The following BPIFA2 variants were observed in gnomAD, a reference collection of about 807,000 sequenced individuals.
BPIFA2 encodes the protein BPI fold-containing family A member 2.
In BPIFA2, 20 loss-of-function variants were observed where a neutral mutation model predicts 25.7. The observed-to-expected ratio is 0.78, with a 90% CI of 0.55 to 1.13. The LOEUF is 1.13. BPIFA2 is among the 50% of genes most tolerant of loss of function. BPIFA2 has a pLI of 0.00. For synonymous variants in BPIFA2, 126 were observed against 124.3 expected (o/e 1.01, Z -0.09); for missense variants, 300 against 298.1 (o/e 1.01, Z -0.05).
chr20:33,169,475 A>T (rs998667150), intron 2 of BPIFA2, among the ~76,000 whole-genome samples, 173 bp downstream of exon 2: 1 of 152,262 alleles, frequency 6.6e-6, no homozygotes, highest in African/African-American at 2.4e-5. Flanking sequence ...CAATGCCACA[A>T]TGAATAGCCT....
In BPIFA2 at chr20:33,174,135, G is replaced by A; in HGVS notation, c.359G>A (p.Gly120Asp). 2 of 1,614,198 alleles carry A rather than the reference G, an allele frequency of 1.2e-6. No homozygotes were observed. The highest frequency in any genetic ancestry group is 1.7e-6 in the Non-Finnish European group (2 of 1,180,032). Reference protein sequence around the residue: ...LDVKAEPIDDGKGLNLSFPVT... With the variant: ...LDVKAEPIDDDKGLNLSFPVT... ...GTCAAAGCTGAACCGATCGATGATG[G>A]CAAAGGCCTTAACCTGAGCTTCCCT... The change falls in exon 4 of 9, where the codon GGC (glycine) becomes GAC (aspartate). Residue 120 changes from glycine (G) to aspartate (D), a missense_variant. Coordinates refer to ENST00000354932, the MANE Select transcript of BPIFA2 (RefSeq NM_080574.4).
chr20:33,163,625 C>T (rs946921268), upstream of BPIFA2, among the ~76,000 whole-genome samples: 22 of 152,206 alleles, frequency 1.4e-4, no homozygotes, highest in African/African-American at 5.3e-4. Flanking sequence ...GAGTTTGAGA[C>T]CAGCCTGGCC....
At chr20:33,167,557 G>T (rs1295028460), upstream of BPIFA2, among the ~76,000 whole-genome samples, 1 of 152,194 alleles carries the variant, frequency 6.6e-6, no homozygotes, top group African/African-American at 2.4e-5. Context: ...GCCTTACAGA[G>T]TTTTCATAAA....
At chr20:33,164,537 TCTC>T (rs1983667451), upstream of BPIFA2, among the ~76,000 whole-genome samples, 1 of 151,782 alleles carries the variant, frequency 6.6e-6, no homozygotes, top group Non-Finnish European at 1.5e-5. Context: ...CCTTTCTTCT[TCTC>T]TCTCCACATC....
upstream of BPIFA2, among the ~76,000 whole-genome samples, chr20:33,166,928 G>T (rs890176891): frequency 4.6e-5 from 7 of 152,228 alleles, no homozygotes; most frequent in Non-Finnish European, 1.0e-4. Flanking sequence ...GAAGAGCGGG[G>T]CTCAGACGTT....
upstream of BPIFA2, among the ~76,000 whole-genome samples, chr20:33,165,419 G>A (rs879528133): frequency 1.3e-5 from 2 of 152,196 alleles, no homozygotes; most frequent in Admixed American, 6.5e-5. Flanking sequence ...TCTGGAGAAG[G>A]GGTGGGGGCT....
At chr20:33,174,245 C>A (rs1355111070) in intron 4 of BPIFA2, 59 bp downstream of exon 4, 6 of 1,508,318 alleles carry the variant, frequency 4.0e-6, no homozygotes, top group Non-Finnish European at 4.6e-6. Flanking sequence ...CCGATGGATG[C>A]CCAACCTGGG....
chr20:33,180,167 G>A (rs548875422), intron 7 of BPIFA2, among the ~76,000 whole-genome samples: 17 of 151,728 alleles, frequency 1.1e-4, no homozygotes, highest in African/African-American at 3.9e-4. Context: ...GCAGGTAGCC[G>A]ACATCATGCC....
intron 1 of BPIFA2, 33 bp downstream of exon 1, chr20:33,168,242 C>T (rs74444103): frequency 0.015 from 2,279 of 152,350 alleles, 48 homozygotes; most frequent in African/African-American, 0.052. Context: ...TGGCACCACA[C>T]GTGGTGGTCT....
intron 2 of BPIFA2, 102 bp from the exon 3 acceptor site, chr20:33,172,830 A>T: frequency 7.8e-7 from 1 of 1,282,330 alleles, no homozygotes; most frequent in Non-Finnish European, 1.1e-6. Context: ...TGTTATAAAG[A>T]TTAAATGAAA....
upstream of BPIFA2, among the ~76,000 whole-genome samples, chr20:33,167,542 A>G (rs553873525): frequency 1.3e-5 from 2 of 152,264 alleles, no homozygotes; most frequent in Non-Finnish European, 2.9e-5. Flanking sequence ...GAGCTCTGAA[A>G]ACCTGCCTTA....
chr20:33,180,733 G>T (rs1984250350), intron 8 of BPIFA2, 136 bp downstream of exon 8: 2 of 668,870 alleles, frequency 3.0e-6, no homozygotes, highest in Admixed American at 5.4e-5. Context: ...CCCCATCCCA[G>T]GCTAGGCCCT....
Position 33,173,000 on chromosome 20 carries a change from C to T in BPIFA2, c.226C>T (p.Gln76Ter), listed in dbSNP as rs1296092951. 6.2e-7 allele frequency: 1 copy of T among 1,614,050 alleles called. No individual in the cohort carries two copies. Among genetic ancestry groups the T allele is most frequent in the Non-Finnish European group, 8.5e-7 (1 of 1,179,984 alleles). ...ATCCAGTGCTTGGCAACTGGCCAAG[C>T]AGAAGGCCCAGGAAGCTGAGAAATT... ...QKSSAWQLAKQKAQEAEKLLN... is the reference protein window; with the variant it reads ...QKSSAWQLAK The change falls in exon 3 of 9, where the codon CAG becomes TAG. Residue 76 changes from glutamine to a stop codon, truncating the protein, a stop_gained. Transcript: ENST00000354932. LOFTEE classifies it high-confidence loss of function.
chr20:33,164,352 T>G (rs1044000179), upstream of BPIFA2, among the ~76,000 whole-genome samples: 1 of 152,068 alleles, frequency 6.6e-6, no homozygotes, highest in Non-Finnish European at 1.5e-5. Context: ...GAGAGCTCGC[T>G]CATGTCAAGA....
intron 2 of BPIFA2, among the ~76,000 whole-genome samples, 155 bp from the exon 3 acceptor site, chr20:33,172,777 A>G (rs1268367847): frequency 6.6e-6 from 1 of 152,136 alleles, no homozygotes; most frequent in Non-Finnish European, 1.5e-5. Flanking sequence ...TTATTTCCTT[A>G]GCTATAAAAA....
At chr20:33,166,973 G>A (rs994699146), upstream of BPIFA2, among the ~76,000 whole-genome samples, 2 of 152,212 alleles carry the variant, frequency 1.3e-5, no homozygotes, top group Non-Finnish European at 2.9e-5. Context: ...AGGGAAGGAG[G>A]TGTGACAACC....
intron 6 of BPIFA2, 148 bp downstream of exon 6, chr20:33,178,376 A>C: frequency 3.4e-6 from 2 of 590,868 alleles, no homozygotes; most frequent in African/African-American, 1.9e-5. Context: ...TCCTCTACTA[A>C]TCAGCCTGGT....
In BPIFA2 at chr20:33,169,282, C is replaced by G; in HGVS notation, c.137C>G (p.Thr46Arg). ...CCTGTTCTTCACGAGGGACTTGAGA[C>G]AGTTGACAATACTCTTAAAGGTAAA... ...LEPVLHEGLE[T>R]VDNTLKGILE... Residue 46 changes from threonine to arginine, a missense_variant, in exon 2 of 9, where the codon ACA (threonine) becomes AGA (arginine). Transcript: ENST00000354932. 1 of 1,614,088 alleles carries G rather than the reference C, an allele frequency of 6.2e-7. No homozygotes were observed. Among genetic ancestry groups the G allele is most frequent in the Non-Finnish European group, 8.5e-7 (1 of 1,179,946 alleles).
chr20:33,165,272 C>T (rs1031092813), upstream of BPIFA2, among the ~76,000 whole-genome samples: 1 of 152,214 alleles, frequency 6.6e-6, no homozygotes, highest in Non-Finnish European at 1.5e-5. Flanking sequence ...CCAGGACCTA[C>T]TAGAAATTGG....
Sources: gnomAD v4.1 joint callset for allele counts (sites outside exome capture counted in the v4.1 genomes callset) on GRCh38, gnomAD v4.1.1 for gene constraint, MANE v1.5 for transcripts, NCBI Gene and HGNC (gene_info 2026-07-23, HGNC 2026-07-21) for gene names.